The following RYR3 variants were observed in gnomAD, a reference collection of about 807,000 sequenced individuals.
The protein encoded by RYR3 is ryanodine receptor 3, also known as brain ryanodine receptor-calcium release channel.
Under a neutral mutation model 584.3 loss-of-function variants are expected in RYR3, and 207 were observed. The observed-to-expected ratio is 0.35, with a 90% CI of 0.32 to 0.40. The LOEUF is 0.40. Among genes scored for constraint, RYR3 ranks in the 10% least tolerant of loss-of-function variants. RYR3 has a pLI of 1.00. For missense variants in RYR3, 5,616 were observed against 6,089.2 expected (o/e 0.92, Z 2.59); for synonymous variants, 2,416 against 2,248.5 (o/e 1.07, Z -2.11).
At chr15:33,822,017 C>CCATTCATT (rs58113782) in intron 80 of RYR3, among the ~76,000 whole-genome samples, 5 of 151,520 alleles carry the variant, frequency 3.3e-5, no homozygotes, top group African/African-American at 9.7e-5. Context: ...GTTCGTTCAT[C>CCATTCATT]CATTCATTCA....
chr15:33,859,974 A>G (rs1822708067), intron 100 of RYR3, among the ~76,000 whole-genome samples: 1 of 152,020 alleles, frequency 6.6e-6, no homozygotes, highest in South Asian at 2.1e-4. Flanking sequence ...CTGTTCCTCT[A>G]CTCTGAATTA....
Position 33,718,412 on chromosome 15 carries a change from G to T in RYR3, c.6620-4303G>T, listed in dbSNP as rs544439138. Among the ~76,000 whole-genome samples, 3 of 152,182 alleles carry T rather than the reference G, an allele frequency of 2.0e-5. No homozygotes were observed. The South Asian group carries it at 6.2e-4, about 32-fold the overall frequency. The stretch of plus-strand genomic sequence containing the variant: ...TGCCAGATGTTAGCAAGACCCTTGA[G>T]CACACAGTGTTAGATAATTCAGACA... On this transcript the variant is annotated intron_variant, in intron 43 of 103. Transcript: ENST00000634891.
At chr15:33,346,212 T>C (rs1972441973) in intron 1 of RYR3, among the ~76,000 whole-genome samples, 3 of 152,346 alleles carry the variant, frequency 2.0e-5, no homozygotes, top group South Asian at 2.1e-4. Flanking sequence ...TAGATGGCTG[T>C]GTGCGTGTAT....
chr15:33,382,747 A>C (rs552167892), intron 1 of RYR3, among the ~76,000 whole-genome samples: 2 of 152,348 alleles, frequency 1.3e-5, no homozygotes, highest in Middle Eastern at 3.4e-3. Context: ...TGTATATGAC[A>C]TATCTGTTAA....
chr15:33,697,820 C>T, intron 39 of RYR3, 62 bp from the exon 40 acceptor site: 4 of 1,024,444 alleles, frequency 3.9e-6, no homozygotes, highest in South Asian at 3.9e-5. Flanking sequence ...TGTTCTCATC[C>T]CTGAATTTTC....
At chr15:33,579,058 G>A (rs1041467553) in intron 12 of RYR3, among the ~76,000 whole-genome samples, 14 of 152,214 alleles carry the variant, frequency 9.2e-5, no homozygotes, top group East Asian at 1.9e-4. Flanking sequence ...AGAAACTTGC[G>A]GAATAGGAGG....
chr15:33,618,109 A>T (rs569039426), intron 19 of RYR3, among the ~76,000 whole-genome samples: 2 of 152,330 alleles, frequency 1.3e-5, no homozygotes, highest in African/African-American at 4.8e-5. Context: ...CATGAATCAG[A>T]TAGACAGCAT....
intron 27 of RYR3, among the ~76,000 whole-genome samples, chr15:33,637,033 C>T (rs191557105): frequency 1.3e-5 from 2 of 152,198 alleles, no homozygotes; most frequent in African/African-American, 2.4e-5. Context: ...GAATGAAATA[C>T]AATTTATTTT....
chr15:33,402,317 A>T (rs114906160), intron 1 of RYR3, among the ~76,000 whole-genome samples: 31 of 152,336 alleles, frequency 2.0e-4, no homozygotes, highest in African/African-American at 7.2e-4. Context: ...CAGATGAAGA[A>T]GAGCCATGAA....
Position 33,785,869 on chromosome 15 carries a change from C to T in RYR3, c.9476C>T (p.Pro3159Leu). Reference protein sequence around the residue: ...GPENLPPSTGPCCTKVTSEHL... With the variant: ...GPENLPPSTGLCCTKVTSEHL... ...GAGAACCTGCCCCCCAGCACAGGGCCATGCTGCACCAAGGTCACCTCTGAA... is the reference window on the plus strand; with the variant it reads ...GAGAACCTGCCCCCCAGCACAGGGCTATGCTGCACCAAGGTCACCTCTGAA... The change falls in exon 66 of 104, where the codon CCA (proline) becomes CTA (leucine). Residue 3159 changes from proline to leucine, a missense_variant. Physicochemically the swap from Pro to Leu is moderately conservative, Grantham distance 98. Transcript: ENST00000634891. The T allele has an allele frequency of 6.2e-7, 1 of 1,613,916 alleles. No homozygotes were observed.
At chr15:33,434,316 C>T (rs192120042) in intron 1 of RYR3, among the ~76,000 whole-genome samples, 6 of 152,074 alleles carry the variant, frequency 3.9e-5, no homozygotes, top group Admixed American at 3.9e-4. Context: ...CTGCAAATCA[C>T]CTCCGTTGTC....
chr15:33,538,188 G>A (rs1219632191), intron 5 of RYR3, among the ~76,000 whole-genome samples: 5 of 152,022 alleles, frequency 3.3e-5, no homozygotes, highest in African/African-American at 1.2e-4. Context: ...TCCTGTTAGA[G>A]ACCTTCCTCG....
At chr15:33,435,390 G>A (rs989088799) in intron 1 of RYR3, among the ~76,000 whole-genome samples, 1 of 152,194 alleles carries the variant, frequency 6.6e-6, no homozygotes, top group Non-Finnish European at 1.5e-5. Flanking sequence ...CAGCTACTCT[G>A]TGGCATTCCA....
chr15:33,561,651 G>T (rs1186616233), intron 10 of RYR3, among the ~76,000 whole-genome samples: 1 of 152,074 alleles, frequency 6.6e-6, no homozygotes. Context: ...CGAGGTGGGT[G>T]GATTGCTTGA....
At chr15:33,649,534 A>G (rs1392741253) in intron 31 of RYR3, among the ~76,000 whole-genome samples, 3 of 152,232 alleles carry the variant, frequency 2.0e-5, no homozygotes, top group Non-Finnish European at 4.4e-5. Context: ...GGCAAGTCCC[A>G]GTTTCTACAA....
intron 88 of RYR3, among the ~76,000 whole-genome samples, 189 bp downstream of exon 88, chr15:33,837,176 T>C (rs1421635394): frequency 6.6e-6 from 1 of 152,202 alleles, no homozygotes; most frequent in African/African-American, 2.4e-5. Flanking sequence ...CTGAAATCAA[T>C]TGATTTTCTA....
intron 3 of RYR3, among the ~76,000 whole-genome samples, chr15:33,513,366 A>G (rs1178144664): frequency 6.6e-6 from 1 of 152,190 alleles, no homozygotes; most frequent in Non-Finnish European, 1.5e-5. Context: ...TTTCATCCTT[A>G]CTTGAGTAAA....
intron 18 of RYR3, among the ~76,000 whole-genome samples, chr15:33,611,352 C>A (rs555701881): frequency 5.3e-5 from 8 of 151,938 alleles, no homozygotes; most frequent in African/African-American, 1.9e-4. Context: ...GTCAGGAGAT[C>A]GAGACCATCC....
chr15:33,833,003 A>C (rs1254086654), intron 86 of RYR3, among the ~76,000 whole-genome samples: 1 of 2,494 alleles, frequency 4.0e-4, no homozygotes. Context: ...ACTCTGTCTC[A>C]AAAAAAAAAA....
Sources: allele counts gnomAD v4.1 joint callset (sites outside exome capture counted in the v4.1 genomes callset), GRCh38; gene constraint gnomAD v4.1.1; transcripts MANE v1.5; gene names NCBI Gene and HGNC (gene_info 2026-07-23, HGNC 2026-07-21).